The following SLC35D4 variants were observed in gnomAD, a reference collection of about 807,000 sequenced individuals.
SLC35D4 encodes the protein UDP-N-acetylglucosamine transporter SLC35D4.
the SLC35D4 span, among the ~76,000 whole-genome samples, chr18:23,248,630 C>T: frequency 6.0e-5 from 9 of 149,310 alleles, no homozygotes; most frequent in Non-Finnish European, 1.3e-4. Flanking sequence ...GAGTTTGAGA[C>T]CAGCCTGACC....
the SLC35D4 span, among the ~76,000 whole-genome samples, chr18:23,245,146 G>A: frequency 2.0e-5 from 3 of 152,288 alleles, no homozygotes; most frequent in African/African-American, 4.8e-5. Context: ...CCAGGATGGG[G>A]CCCAAGTTCA....
chr18:23,258,889 C>T, the SLC35D4 span: 1 of 151,650 alleles, frequency 6.6e-6, no homozygotes, highest in Admixed American at 6.6e-5. Flanking sequence ...AGGGCCAAAA[C>T]AGAATACTTG....
the SLC35D4 span, among the ~76,000 whole-genome samples, chr18:23,393,448 C>A: frequency 6.6e-6 from 1 of 152,162 alleles, no homozygotes; most frequent in Non-Finnish European, 1.5e-5. Context: ...CACCATACTA[C>A]TTTCTGCCTC....
chr18:23,325,212 CA>C, the SLC35D4 span, among the ~76,000 whole-genome samples: 1 of 152,106 alleles, frequency 6.6e-6, no homozygotes, highest in Non-Finnish European at 1.5e-5. Flanking sequence ...AAGTATTTCT[CA>C]GGGACTAAAT....
At chr18:23,363,140 G>C in the SLC35D4 span, among the ~76,000 whole-genome samples, 1 of 151,066 alleles carries the variant, frequency 6.6e-6, no homozygotes, top group African/African-American at 2.4e-5. Context: ...AGCTACTCAG[G>C]AGGCTGAGGC....
At chr18:23,437,921 C>T in the SLC35D4 span, 6 of 1,526,318 alleles carry the variant, frequency 3.9e-6, no homozygotes, top group African/African-American at 6.9e-5. Flanking sequence ...GCCCGACCCC[C>T]GCAGCAGCAG....
At chr18:23,401,439 C>A in the SLC35D4 span, among the ~76,000 whole-genome samples, 2 of 152,290 alleles carry the variant, frequency 1.3e-5, no homozygotes, top group East Asian at 1.9e-4. Context: ...GATGTCAGCA[C>A]CCCCAACCAA....
the SLC35D4 span, among the ~76,000 whole-genome samples, chr18:23,427,119 A>G: frequency 6.6e-6 from 1 of 152,220 alleles, no homozygotes; most frequent in Non-Finnish European, 1.5e-5. Flanking sequence ...CAAGGACTTC[A>G]TGACTAAAAC....
At chr18:23,252,988 C>G in the SLC35D4 span, 3 of 1,613,216 alleles carry the variant, frequency 1.9e-6, no homozygotes, top group Non-Finnish European at 1.7e-6. Flanking sequence ...GTGAAGCCCT[C>G]GGATCTCAAG....
At chr18:23,329,004 T>C in the SLC35D4 span, among the ~76,000 whole-genome samples, 2 of 152,202 alleles carry the variant, frequency 1.3e-5, no homozygotes, top group South Asian at 4.1e-4. Flanking sequence ...GCTAGCCATA[T>C]GTAGAAAGCT....
the SLC35D4 span, among the ~76,000 whole-genome samples, chr18:23,262,780 G>C: frequency 6.6e-6 from 1 of 152,268 alleles, no homozygotes; most frequent in Non-Finnish European, 1.5e-5. Flanking sequence ...AGATCACAAA[G>C]TGGGTCAAGA....
chr18:23,388,307 T>C, the SLC35D4 span, among the ~76,000 whole-genome samples: 1 of 152,228 alleles, frequency 6.6e-6, no homozygotes, highest in Admixed American at 6.5e-5. Context: ...CAACAATGTG[T>C]TAAACATAGT....
At chr18:23,399,497 G>T in the SLC35D4 span, 1 of 1,370,348 alleles carries the variant, frequency 7.3e-7, no homozygotes, top group Non-Finnish European at 1.0e-6. Context: ...TTGAGCTGAG[G>T]CATGATAAGT....
chr18:23,357,762 T>C, the SLC35D4 span, among the ~76,000 whole-genome samples: 1 of 152,214 alleles, frequency 6.6e-6, no homozygotes, highest in African/African-American at 2.4e-5. Flanking sequence ...GTAAGGAAAG[T>C]TCTGAGTTCA....
chr18:23,371,935 G>GT, the SLC35D4 span, among the ~76,000 whole-genome samples: 2 of 35,478 alleles, frequency 5.6e-5, no homozygotes, highest in African/African-American at 2.4e-4. Flanking sequence ...TGTTTTTTTT[G>GT]TTTTTTTTTT....
the SLC35D4 span, chr18:23,252,935 A>T: frequency 6.8e-7 from 1 of 1,472,192 alleles, no homozygotes; most frequent in Non-Finnish European, 9.5e-7. Flanking sequence ...TTAAGGAGTG[A>T]TCCGTGTTCC....
At chr18:23,242,709 A>G in the SLC35D4 span, among the ~76,000 whole-genome samples, 6 of 151,636 alleles carry the variant, frequency 4.0e-5, no homozygotes, top group Admixed American at 1.3e-4. Flanking sequence ...AAAACCGACT[A>G]ACATTGTTTA....
At chr18:23,250,638 C>T in the SLC35D4 span, among the ~76,000 whole-genome samples, 1 of 152,222 alleles carries the variant, frequency 6.6e-6, no homozygotes, top group African/African-American at 2.4e-5. Flanking sequence ...TGTCCAAATA[C>T]TGTGGCCCTG....
chr18:23,393,839 G>A, the SLC35D4 span, among the ~76,000 whole-genome samples: 18 of 152,086 alleles, frequency 1.2e-4, no homozygotes, highest in Non-Finnish European at 2.6e-4. Context: ...AGCTGGTCTC[G>A]AACTCCTGAC....
Sources: allele counts gnomAD v4.1 joint callset (sites outside exome capture counted in the v4.1 genomes callset), GRCh38; gene constraint gnomAD v4.1.1; transcripts MANE v1.5; gene names NCBI Gene and HGNC (gene_info 2026-07-23, HGNC 2026-07-21).